Variants in IFT57 observed in about 807,000 individuals in gnomAD.
The protein encoded by IFT57 is intraflagellar transport protein 57 homolog.
A neutral mutation model predicts 56.8 loss-of-function variants in IFT57; 59 were observed. The observed-to-expected ratio is 1.04, with a 90% CI of 0.84 to 1.29. The LOEUF is 1.29. IFT57 is among the 50% of genes most tolerant of loss of function. The probability of loss-of-function intolerance (pLI) is 0.00; values close to 1 mark genes in which losing one functional copy is unlikely to be tolerated. For missense variants in IFT57, 470 were observed against 522.1 expected, an observed-to-expected ratio of 0.90 and a Z score of 0.97; for synonymous variants, 209 against 186.1, an observed-to-expected ratio of 1.12 and a Z score of -1.00.
chr3:108,213,870 T>C lies in IFT57; in HGVS notation c.585+61A>G, dbSNP rs2080356866. 5 of 935,094 alleles carry C rather than the reference T, an allele frequency of 5.3e-6. No individual in the cohort carries two copies. The East Asian group carries it at 1.2e-4, about 23-fold the overall frequency. The allele number at this position is 935,094 out of a possible 1,614,324, so 57.9% of individuals were successfully genotyped here. A position where few individuals can be genotyped will look rare whatever the true frequency, so the allele number is the denominator to read the frequency against. Reference sequence around the variant, plus strand: ...CCAGATAATGGAAGTCTGGGGGAAATTAAGAGAATGGGAAGTGGCCGAAAG... The same window carrying C: ...CCAGATAATGGAAGTCTGGGGGAAACTAAGAGAATGGGAAGTGGCCGAAAG... On this transcript the variant is annotated intron_variant, in intron 4 of 10. Transcript: ENST00000264538.
At chr3:108,185,551 A>ATTTTT (rs1179200943) in intron 6 of IFT57, among the ~76,000 whole-genome samples, 5 of 87,292 alleles carry the variant, frequency 5.7e-5, no homozygotes, top group Non-Finnish European at 8.5e-5. Context: ...GAGCACTAGG[A>ATTTTT]TTTTTTTTTT....
intron 6 of IFT57, among the ~76,000 whole-genome samples, chr3:108,183,110 G>A (rs759304087): frequency 1.3e-5 from 2 of 151,874 alleles, no homozygotes; most frequent in Non-Finnish European, 2.9e-5. Context: ...CACACTTTCT[G>A]CTCTTCCTTA....
In IFT57 at chr3:108,222,156, T is replaced by C. The variant is rs771558635; in HGVS notation, c.167A>G (p.Tyr56Cys). ...GCTCTTCCGGAGGAACTCCTCCTCG[T>C]AGCGGAGCAGCTTCAGCTTCTCCAC... Reference protein sequence around the residue: ...DLVEKLKLLRYEEEFLRKSNL... With the variant: ...DLVEKLKLLRCEEEFLRKSNL... The change falls in exon 1 of 11, where the codon TAC becomes TGC. Residue 56 changes from tyrosine (Y) to cysteine (C), a missense_variant. Transcript: ENST00000264538. 5 of 1,613,554 alleles carry C rather than the reference T, an allele frequency of 3.1e-6. No homozygotes were observed. In the Admixed American group the frequency reaches 6.7e-5, roughly 22 times the overall value.
At chr3:108,179,983 T>TA (rs2080143709) in intron 6 of IFT57, among the ~76,000 whole-genome samples, 1 of 152,004 alleles carries the variant, frequency 6.6e-6, no homozygotes, top group Non-Finnish European at 1.5e-5. Context: ...TCGCTGGAAA[T>TA]ATGTGTTTCC....
At position 108,213,692 on chromosome 3, in the gene IFT57, A is replaced by G. The variant is rs191422046; in HGVS notation, c.585+239T>C. On this transcript the variant is annotated intron_variant, in intron 4 of 10. Coordinates refer to ENST00000264538, the MANE Select transcript of IFT57 (RefSeq NM_018010.4). ...TATTTACTCATATAACTAGTGGTAT[A>G]TATTTCCCTGAACAGTTCAAGAACC... The G allele has an allele frequency of 7.3e-5, 27 of 371,220 alleles. No homozygotes were observed. The East Asian group carries it at 7.5e-4, about 10-fold the overall frequency. The allele number at this position is 371,220 out of a possible 1,614,324, so 23.0% of individuals were successfully genotyped here.
chr3:108,196,527 G>A (rs945224604), intron 5 of IFT57, among the ~76,000 whole-genome samples: 3 of 152,160 alleles, frequency 2.0e-5, no homozygotes, highest in Non-Finnish European at 2.9e-5. Context: ...ATTAAGATAT[G>A]CCACTGCATA....
At chr3:108,209,092 T>C (rs1576048336) in intron 4 of IFT57, among the ~76,000 whole-genome samples, 1 of 152,202 alleles carries the variant, frequency 6.6e-6, no homozygotes. Context: ...ATGGTAGTTA[T>C]AAACACAAAC....
At chr3:108,201,115 A>G (rs2080276426) in intron 5 of IFT57, among the ~76,000 whole-genome samples, 1 of 152,162 alleles carries the variant, frequency 6.6e-6, no homozygotes. Context: ...ATAGAAGTTA[A>G]TTAACTTGCT....
chr3:108,213,299 T>G (rs1179082200), intron 4 of IFT57, among the ~76,000 whole-genome samples: 1 of 151,468 alleles, frequency 6.6e-6, no homozygotes, highest in Non-Finnish European at 1.5e-5. Context: ...ATAAAGTTTG[T>G]TTTTTCCCCC....
At chr3:108,207,214 C>T (rs2080318423) in intron 4 of IFT57, among the ~76,000 whole-genome samples, 1 of 152,156 alleles carries the variant, frequency 6.6e-6, no homozygotes, top group South Asian at 2.1e-4. Flanking sequence ...GTTACCAGTA[C>T]TGGTTGGTCC....
chr3:108,187,587 TA>T (rs1001257325), intron 6 of IFT57, among the ~76,000 whole-genome samples: 75 of 140,126 alleles, frequency 5.4e-4, no homozygotes, highest in East Asian at 1.2e-3. Context: ...TCATGTAAGT[TA>T]AAAAAAAAAG....
At chr3:108,212,607 G>C (rs1056826250) in intron 4 of IFT57, among the ~76,000 whole-genome samples, 1 of 152,006 alleles carries the variant, frequency 6.6e-6, no homozygotes, top group Non-Finnish European at 1.5e-5. Flanking sequence ...CTTACCCAGC[G>C]CCTCAAGTAT....
At chr3:108,219,845 A>G (rs1378566078) in intron 1 of IFT57, among the ~76,000 whole-genome samples, 1 of 152,262 alleles carries the variant, frequency 6.6e-6, no homozygotes. Context: ...GTTAGAGCAC[A>G]GAGCATGTAG....
At chr3:108,209,069 T>C (rs1404428648) in intron 4 of IFT57, among the ~76,000 whole-genome samples, 1 of 152,102 alleles carries the variant, frequency 6.6e-6, no homozygotes, top group East Asian at 1.9e-4. Context: ...GAATACAGAA[T>C]AGGTAGTGAA....
At chr3:108,193,016 T>C (rs892965625) in intron 5 of IFT57, among the ~76,000 whole-genome samples, 2 of 152,218 alleles carry the variant, frequency 1.3e-5, no homozygotes, top group African/African-American at 2.4e-5. Flanking sequence ...TAGCGTGGCA[T>C]GTTCATTATC....
chr3:108,166,013 T>G (rs756674496), intron 8 of IFT57, among the ~76,000 whole-genome samples: 2 of 152,090 alleles, frequency 1.3e-5, no homozygotes, highest in South Asian at 2.1e-4. Context: ...TTTTACATCA[T>G]TTTGATAGTT....
rs1017559721 is a variant in IFT57, at chr3:108,214,132, G to A, written c.495-111C>T. On this transcript the variant is annotated intron_variant, in intron 3 of 10. Transcript: ENST00000264538. ...GCCAGGTTTTGTCCTTTTTCATTCC[G>A]CTTCCATAATCACTGTTAAATGTTT... 1.9e-5 allele frequency: 11 copies of A among 590,990 alleles called. No individual in the cohort carries two copies. In the East Asian group the frequency reaches 2.0e-4, roughly 11 times the overall value. 36.6% of individuals were successfully genotyped at this position (590,990 alleles called of 1,614,324 possible).
At chr3:108,187,873 T>C (rs2080193284) in intron 6 of IFT57, among the ~76,000 whole-genome samples, 1 of 151,920 alleles carries the variant, frequency 6.6e-6, no homozygotes, top group Admixed American at 6.6e-5. Flanking sequence ...GTAAAATCTC[T>C]AGATGTCCTA....
chr3:108,170,147 T>C (rs1289146246), intron 6 of IFT57, among the ~76,000 whole-genome samples: 1 of 151,884 alleles, frequency 6.6e-6, no homozygotes, highest in Non-Finnish European at 1.5e-5. Flanking sequence ...AGTTCTAGCC[T>C]GGGCAATCAG....
Sources: allele counts gnomAD v4.1 joint callset (sites outside exome capture counted in the v4.1 genomes callset), GRCh38; gene constraint gnomAD v4.1.1; transcripts MANE v1.5; gene names NCBI Gene and HGNC (gene_info 2026-07-23, HGNC 2026-07-21).